FLACC1: variants seen among roughly 807,000 people sequenced by gnomAD.
FLACC1 encodes flagellum associated containing coiled-coil domains 1, also known as flagellum-associated coiled-coil domain-containing protein 1.
FLACC1 carries 66 observed loss-of-function variants against 62.8 expected under a neutral mutation model. That is an observed-to-expected ratio of 1.05 (90% CI 0.86 to 1.29). The LOEUF is 1.29. FLACC1 is among the 50% of genes most tolerant of loss of function. FLACC1 has a pLI of 0.00. For missense variants in FLACC1, 452 were observed against 489.1 expected (o/e 0.92, Z 0.71); for synonymous variants, 156 against 161.0 (o/e 0.97, Z 0.24).
chr2:201,295,194 C>T (rs546527337), intron 12 of FLACC1, among the ~76,000 whole-genome samples: 3 of 152,226 alleles, frequency 2.0e-5, no homozygotes, highest in South Asian at 2.1e-4. Context: ...AAAAAGAGCC[C>T]GCATTGCCAA....
At chr2:201,332,242 T>C (rs1950608729) in intron 7 of FLACC1, among the ~76,000 whole-genome samples, 1 of 152,026 alleles carries the variant, frequency 6.6e-6, no homozygotes, top group African/African-American at 2.4e-5. Context: ...TGAAATACTT[T>C]AAAGTTTTTT....
chr2:201,334,643 C>T (rs890653705), intron 7 of FLACC1, among the ~76,000 whole-genome samples: 12 of 151,880 alleles, frequency 7.9e-5, no homozygotes, highest in African/African-American at 1.2e-4. Context: ...ATTAGCCAGG[C>T]GTGGTGGTGC....
chr2:201,337,500 T>C (rs985422304), intron 7 of FLACC1, among the ~76,000 whole-genome samples: 1 of 152,220 alleles, frequency 6.6e-6, no homozygotes, highest in Non-Finnish European at 1.5e-5. Flanking sequence ...TTTATGTTTA[T>C]ATGTCTATTT....
intron 7 of FLACC1, among the ~76,000 whole-genome samples, chr2:201,341,809 A>G (rs1950815867): frequency 6.6e-6 from 1 of 152,162 alleles, no homozygotes; most frequent in Non-Finnish European, 1.5e-5. Context: ...TTTGATCAAT[A>G]TCTCCCCATT....
chr2:201,333,928 G>GA (rs1950643789), intron 7 of FLACC1, among the ~76,000 whole-genome samples: 1 of 152,170 alleles, frequency 6.6e-6, no homozygotes, highest in South Asian at 2.1e-4. Context: ...CCAGTAATGG[G>GA]ATGGCTGGAT....
At chr2:201,306,339 C>T (rs1950107141) in intron 11 of FLACC1, among the ~76,000 whole-genome samples, 1 of 152,130 alleles carries the variant, frequency 6.6e-6, no homozygotes, top group Non-Finnish European at 1.5e-5. Context: ...AATCACCTCC[C>T]ACCAGACCCC....
intron 12 of FLACC1, 198 bp from the exon 13 acceptor site, chr2:201,289,983 T>C (rs1949695369): frequency 1.2e-6 from 1 of 865,594 alleles, no homozygotes; most frequent in Non-Finnish European, 1.8e-6. Flanking sequence ...CCAGAGCTCA[T>C]ATGAATGGTT....
chr2:201,338,489 G>A (rs557122945), intron 7 of FLACC1, among the ~76,000 whole-genome samples: 2 of 152,174 alleles, frequency 1.3e-5, no homozygotes, highest in African/African-American at 2.4e-5. Flanking sequence ...AATTCTTAGA[G>A]GAAAAGTTTT....
At chr2:201,293,731 G>A (rs1398704859) in intron 12 of FLACC1, among the ~76,000 whole-genome samples, 1 of 152,006 alleles carries the variant, frequency 6.6e-6, no homozygotes, top group Non-Finnish European at 1.5e-5. Context: ...ATGAATCCAG[G>A]AGCTGGTTTT....
intron 7 of FLACC1, among the ~76,000 whole-genome samples, chr2:201,338,124 T>G (rs1348306380): frequency 6.6e-6 from 1 of 152,262 alleles, no homozygotes; most frequent in Non-Finnish European, 1.5e-5. Context: ...CCTTTTTGGT[T>G]AAATTTATTC....
At chr2:201,302,996 C>T (rs1950018909) in intron 11 of FLACC1, among the ~76,000 whole-genome samples, 1 of 152,134 alleles carries the variant, frequency 6.6e-6, no homozygotes, top group Non-Finnish European at 1.5e-5. Flanking sequence ...CTAAAATTGA[C>T]ACCCTAACAT....
rs1057183061 is a variant in FLACC1, at chr2:201,351,461, A to G, written c.-47-10T>C. 24 of 1,303,810 alleles carry G rather than the reference A, an allele frequency of 1.8e-5. No homozygotes were observed. The highest frequency in any genetic ancestry group is 2.4e-4 in the Middle Eastern group (1 of 4,212). 80.8% of individuals were successfully genotyped at this position (1,303,810 alleles called of 1,614,324 possible). A position where few individuals can be genotyped will look rare whatever the true frequency, so the allele number is the denominator to read the frequency against. ...GATCAGGAGGCTCTTGCTGAAATTGAAAAACAACAGCAGAAGGTTAAACCA... is the reference window on the plus strand; with the variant it reads ...GATCAGGAGGCTCTTGCTGAAATTGGAAAACAACAGCAGAAGGTTAAACCA... On this transcript the variant is annotated splice_polypyrimidine_tract_variant and intron_variant, in intron 1 of 14. Transcript: ENST00000392257.
intron 11 of FLACC1, among the ~76,000 whole-genome samples, chr2:201,306,821 C>T (rs546981869): frequency 5.3e-5 from 8 of 152,120 alleles, no homozygotes; most frequent in Non-Finnish European, 1.2e-4. Flanking sequence ...AAAAGTACTC[C>T]TACATATCAA....
At chr2:201,338,612 T>C (rs1455352139) in intron 7 of FLACC1, among the ~76,000 whole-genome samples, 2 of 152,166 alleles carry the variant, frequency 1.3e-5, no homozygotes, top group African/African-American at 2.4e-5. Context: ...TATTTTTTAA[T>C]CATGAAGCAA....
chr2:201,348,237 C>T lies in FLACC1; in HGVS notation c.234+17G>A, dbSNP rs756105586. The T allele has an allele frequency of 6.2e-6, 10 of 1,612,562 alleles. No homozygotes were observed. The South Asian group carries it at 1.1e-4, about 18-fold the overall frequency. Reference sequence around the variant, plus strand: ...CAATAAATTTTAGTCCCACCGCCCTCTCCTGCCTTTACTCACATAAAATGA... The same window carrying T: ...CAATAAATTTTAGTCCCACCGCCCTTTCCTGCCTTTACTCACATAAAATGA... On this transcript the variant is annotated intron_variant, in intron 4 of 14. Coordinates refer to ENST00000392257, the MANE Select transcript of FLACC1 (RefSeq NM_001127391.3).
chr2:201,336,062 A>G (rs1950690625), intron 7 of FLACC1, among the ~76,000 whole-genome samples: 2 of 152,090 alleles, frequency 1.3e-5, no homozygotes, highest in Non-Finnish European at 2.9e-5. Context: ...TGCATAGGTA[A>G]ATTGTACATC....
chr2:201,361,695 T>C (rs890049911), upstream of FLACC1, among the ~76,000 whole-genome samples: 7 of 152,246 alleles, frequency 4.6e-5, no homozygotes, highest in Admixed American at 2.0e-4. Flanking sequence ...TAGTGAATTA[T>C]ATGAAATTAA....
At chr2:201,320,442 T>C (rs1288423416) in intron 9 of FLACC1, among the ~76,000 whole-genome samples, 1 of 152,222 alleles carries the variant, frequency 6.6e-6, no homozygotes, top group African/African-American at 2.4e-5. Flanking sequence ...CTCGGGACAG[T>C]TGCAAGTTCT....
intron 3 of FLACC1, among the ~76,000 whole-genome samples, chr2:201,349,583 A>G (rs779820018): frequency 1.3e-5 from 2 of 152,234 alleles, no homozygotes; most frequent in Non-Finnish European, 2.9e-5. Flanking sequence ...AATAAATAAT[A>G]GGTGGTCAAT....
Sources: allele counts gnomAD v4.1 joint callset (sites outside exome capture counted in the v4.1 genomes callset), GRCh38; gene constraint gnomAD v4.1.1; transcripts MANE v1.5; gene names NCBI Gene and HGNC (gene_info 2026-07-23, HGNC 2026-07-21).